The following COP1 variants were observed in gnomAD, a reference collection of about 807,000 sequenced individuals.
The protein encoded by COP1 is E3 ubiquitin-protein ligase COP1.
A neutral mutation model predicts 101.3 loss-of-function variants in COP1; 24 were observed. That is an observed-to-expected ratio of 0.24 (90% CI 0.17 to 0.33). COP1 has a LOEUF of 0.33. COP1 is among the 10% of genes least tolerant of loss of function. COP1 has a pLI of 1.00. For missense variants in COP1, 663 were observed against 906.2 expected (o/e 0.73, Z 3.45); for synonymous variants, 347 against 341.9 (o/e 1.01, Z -0.17).
At chr1:176,057,241 G>A (rs964794467) in intron 11 of COP1, among the ~76,000 whole-genome samples, 10 of 152,164 alleles carry the variant, frequency 6.6e-5, no homozygotes, top group African/African-American at 1.4e-4. Context: ...TATATAGTTT[G>A]CTACATGAGT....
At chr1:176,113,438 AT>A (rs1685626278) in intron 9 of COP1, among the ~76,000 whole-genome samples, 1 of 152,184 alleles carries the variant, frequency 6.6e-6, no homozygotes, top group Non-Finnish European at 1.5e-5. Flanking sequence ...TATTCTGGTT[AT>A]TAATCCCTTG....
At chr1:176,141,881 C>T (rs1690744608) in intron 6 of COP1, among the ~76,000 whole-genome samples, 1 of 152,028 alleles carries the variant, frequency 6.6e-6, no homozygotes, top group Admixed American at 6.6e-5. Flanking sequence ...CAGGCACACG[C>T]CCCTATGCTC....
chr1:176,123,997 G>A (rs1027161733), intron 8 of COP1, among the ~76,000 whole-genome samples: 5 of 152,142 alleles, frequency 3.3e-5, no homozygotes, highest in East Asian at 1.9e-4. Flanking sequence ...TTTCAAATAC[G>A]AGTCTTGGTT....
At chr1:176,055,013 T>C (rs1673203494) in intron 11 of COP1, among the ~76,000 whole-genome samples, 1 of 152,244 alleles carries the variant, frequency 6.6e-6, no homozygotes, top group Non-Finnish European at 1.5e-5. Context: ...TGACCTTCCT[T>C]AAATATCAAC....
intron 11 of COP1, among the ~76,000 whole-genome samples, chr1:176,050,180 G>A (rs1198189502): frequency 1.3e-5 from 2 of 152,154 alleles, no homozygotes; most frequent in Non-Finnish European, 2.9e-5. Context: ...CATTTCAACT[G>A]TTAAAAGAGT....
At chr1:176,137,027 C>T (rs150323556) in intron 6 of COP1, among the ~76,000 whole-genome samples, 3 of 152,092 alleles carry the variant, frequency 2.0e-5, no homozygotes, top group East Asian at 1.9e-4. Flanking sequence ...GTATTACAGG[C>T]GTGAGCCACT....
At chr1:176,147,188 T>G (rs1691697982) in intron 6 of COP1, among the ~76,000 whole-genome samples, 1 of 152,158 alleles carries the variant, frequency 6.6e-6, no homozygotes, top group Non-Finnish European at 1.5e-5. Flanking sequence ...CTGTAACAAT[T>G]ATATTCATTT....
chr1:176,037,816 C>G (rs1669840105), intron 14 of COP1, among the ~76,000 whole-genome samples: 1 of 152,030 alleles, frequency 6.6e-6, no homozygotes, highest in Admixed American at 6.5e-5. Flanking sequence ...TACTAAAAGC[C>G]TAATTTAGTC....
chr1:176,089,987 C>T lies in COP1; in HGVS notation c.1027-4097G>A, dbSNP rs551045887. ...AATCCTGAAGAGATTAACTGAGAGT[C>T]CAGCCTAATTAGGAAACATTTACCA... On this transcript the variant is annotated intron_variant, in intron 9 of 19. Transcript: ENST00000367669. Among the ~76,000 whole-genome samples, 53 of 152,310 alleles carry T rather than the reference C, an allele frequency of 3.5e-4. 1 individual carries two copies. The South Asian group carries it at 0.011, about 31-fold the overall frequency.
At chr1:175,999,314 T>C (rs12119366) in intron 15 of COP1, among the ~76,000 whole-genome samples, 10,562 of 152,096 alleles carry the variant, frequency 0.069, 458 homozygotes, top group Non-Finnish European at 0.087. Context: ...ATGAGTTCAA[T>C]TGTTTTCATT....
intron 18 of COP1, among the ~76,000 whole-genome samples, chr1:175,963,967 G>A (rs1160582952): frequency 6.6e-6 from 1 of 152,078 alleles, no homozygotes; most frequent in Non-Finnish European, 1.5e-5. Context: ...CCAGTTATGT[G>A]GATTCGTATA....
At chr1:175,949,664 T>C (rs577257080) in intron 18 of COP1, among the ~76,000 whole-genome samples, 1 of 152,246 alleles carries the variant, frequency 6.6e-6, no homozygotes, top group Admixed American at 6.5e-5. Flanking sequence ...AGAAAGCTAC[T>C]GCCAAGAGCC....
chr1:176,074,451 A>AT (rs1383049302), intron 11 of COP1, among the ~76,000 whole-genome samples: 1 of 152,026 alleles, frequency 6.6e-6, no homozygotes, highest in South Asian at 2.1e-4. Context: ...TAAAATTGGA[A>AT]TTTTTTCTTT....
At chr1:176,080,950 A>T (rs187376893) in intron 11 of COP1, among the ~76,000 whole-genome samples, 2 of 152,288 alleles carry the variant, frequency 1.3e-5, no homozygotes, top group East Asian at 3.9e-4. Context: ...CCTTATGAGA[A>T]GGATACTATC....
chr1:176,121,058 T>C (rs1395515761), intron 8 of COP1, among the ~76,000 whole-genome samples: 1 of 151,970 alleles, frequency 6.6e-6, no homozygotes, highest in Non-Finnish European at 1.5e-5. Flanking sequence ...TTTTTTTTGC[T>C]ATAAACGTAA....
rs1281453506 is a variant in COP1, at chr1:175,947,181, A to G, written c.2178+14T>C. 2 of 1,580,076 alleles carry G rather than the reference A, an allele frequency of 1.3e-6. No individual in the cohort carries two copies. Among genetic ancestry groups the G allele is most frequent in the African/African-American group, 2.7e-5 (2 of 74,256 alleles). ...GGGCCTGAGTTTAAAATGGAGATAT[A>G]GTAAATAGCTTACCTTAATTGTACC... On this transcript the variant is annotated intron_variant, in intron 19 of 19. Coordinates refer to ENST00000367669, the MANE Select transcript of COP1 (RefSeq NM_022457.7).
At chr1:176,001,795 G>T (rs755284681) in intron 15 of COP1, among the ~76,000 whole-genome samples, 1 of 151,994 alleles carries the variant, frequency 6.6e-6, no homozygotes, top group Non-Finnish European at 1.5e-5. Context: ...TCCTGACAAA[G>T]AACTCACTCG....
At chr1:176,131,307 A>G (rs1688848795) in intron 8 of COP1, among the ~76,000 whole-genome samples, 1 of 151,896 alleles carries the variant, frequency 6.6e-6, no homozygotes, top group South Asian at 2.1e-4. Flanking sequence ...CTAAGGATCT[A>G]AACAAGGCAG....
chr1:175,976,423 G>A (rs1313996132), intron 18 of COP1, among the ~76,000 whole-genome samples: 1 of 151,716 alleles, frequency 6.6e-6, no homozygotes, highest in East Asian at 1.9e-4. Flanking sequence ...GATTACAGGT[G>A]TGCAACACCA....
Sources: gnomAD v4.1 joint callset for allele counts (sites outside exome capture counted in the v4.1 genomes callset) on GRCh38, gnomAD v4.1.1 for gene constraint, MANE v1.5 for transcripts, NCBI Gene and HGNC (gene_info 2026-07-23, HGNC 2026-07-21) for gene names.